The following ENPP6 variants were observed in gnomAD, a reference collection of about 807,000 sequenced individuals.
ENPP6 encodes the protein glycerophosphocholine cholinephosphodiesterase ENPP6.
In ENPP6, 32 loss-of-function variants were observed where a neutral mutation model predicts 42.0. The ratio of observed to expected loss-of-function variants is 0.76; its 90% CI spans 0.58 to 1.02. ENPP6 has a LOEUF of 1.02. Among genes scored for constraint, ENPP6 ranks in the 50% least tolerant of loss-of-function variants. The pLI is 0.00. For missense variants in ENPP6, 552 were observed against 566.8 expected (o/e 0.97, Z 0.27); for synonymous variants, 213 against 216.0 (o/e 0.99, Z 0.12).
At chr4:184,101,872 A>G (rs1469656481) in intron 6 of ENPP6, among the ~76,000 whole-genome samples, 1 of 152,132 alleles carries the variant, frequency 6.6e-6, no homozygotes, top group African/African-American at 2.4e-5. Context: ...TCTAACAGGA[A>G]GGAACCAGAA....
intron 2 of ENPP6, among the ~76,000 whole-genome samples, chr4:184,143,208 A>G (rs1328393034): frequency 6.6e-6 from 1 of 152,206 alleles, no homozygotes; most frequent in African/African-American, 2.4e-5. Context: ...AAAGCTCATC[A>G]GGGTTGCTGA....
chr4:184,091,408 G>C, intron 7 of ENPP6, 26 bp from the exon 8 acceptor site: 1 of 1,584,686 alleles, frequency 6.3e-7, no homozygotes. Flanking sequence ...AAACAAACAA[G>C]TTGTCATGGC....
chr4:184,172,083 A>G (rs893557491), intron 1 of ENPP6, among the ~76,000 whole-genome samples: 6 of 152,088 alleles, frequency 3.9e-5, no homozygotes, highest in Non-Finnish European at 8.8e-5. Context: ...GGACACAGCC[A>G]TGGGAAACCC....
chr4:184,168,904 C>T (rs1198989353), intron 1 of ENPP6, among the ~76,000 whole-genome samples: 2 of 152,166 alleles, frequency 1.3e-5, no homozygotes, highest in Non-Finnish European at 2.9e-5. Context: ...CTGTGCCCCC[C>T]GCTTCCTCAT....
chr4:184,174,746 C>T (rs1409534369), intron 1 of ENPP6, among the ~76,000 whole-genome samples: 1 of 152,196 alleles, frequency 6.6e-6, no homozygotes, highest in Non-Finnish European at 1.5e-5. Flanking sequence ...TTTGATGGCC[C>T]ATGTTCAGAG....
At chr4:184,153,971 C>T (rs1436360904) in intron 1 of ENPP6, among the ~76,000 whole-genome samples, 2 of 151,982 alleles carry the variant, frequency 1.3e-5, no homozygotes, top group African/African-American at 2.4e-5. Context: ...AGTGACGTCA[C>T]CCTGTCAAGT....
chr4:184,120,903 TGA>T (rs1288575145), intron 3 of ENPP6, among the ~76,000 whole-genome samples: 1 of 152,126 alleles, frequency 6.6e-6, no homozygotes, highest in Non-Finnish European at 1.5e-5. Flanking sequence ...ACTGAGGAGT[TGA>T]CCCTGGAGTG....
At chr4:184,112,105 A>T (rs1159680976) in intron 6 of ENPP6, among the ~76,000 whole-genome samples, 1 of 152,172 alleles carries the variant, frequency 6.6e-6, no homozygotes, top group Non-Finnish European at 1.5e-5. Context: ...GGGCCTCCCC[A>T]CCGTGGCCTG....
intron 1 of ENPP6, among the ~76,000 whole-genome samples, chr4:184,170,646 T>C (rs1737445997): frequency 6.6e-6 from 1 of 152,220 alleles, no homozygotes; most frequent in Admixed American, 6.5e-5. Context: ...ATTAGCATGT[T>C]CCTTAGTCTC....
At position 184,116,932 on chromosome 4, in the gene ENPP6, C is replaced by A; in HGVS notation, c.779G>T (p.Ser260Ile). ...DKVIELNKYI[S>I]LNDLQQVKDR... ...CTTCACTTGCTGCAGGTCATTCAGG[C>A]TGATGTACTTATTCAGCTCAATCAC... The change falls in exon 5 of 8, where the codon AGC becomes ATC. Residue 260 changes from serine (S) to isoleucine (I), a missense_variant. Around this residue, in one of 2 missense-constraint regions of ENPP6, gnomAD observed 545 missense variants for 546.3 expected, o/e 1.00. Transcript: ENST00000296741. The A allele has an allele frequency of 6.2e-7, 1 of 1,614,184 alleles. No homozygotes were observed. Among genetic ancestry groups the A allele is most frequent in the South Asian group, 1.1e-5 (1 of 91,080 alleles).
intron 1 of ENPP6, among the ~76,000 whole-genome samples, chr4:184,208,994 A>T (rs1428429882): frequency 1.1e-4 from 15 of 142,806 alleles, no homozygotes; most frequent in Non-Finnish European, 1.8e-4. Context: ...CTCACACGGC[A>T]GGGTATTCCA....
chr4:184,186,734 A>T (rs1056703403), intron 1 of ENPP6, among the ~76,000 whole-genome samples: 1 of 152,070 alleles, frequency 6.6e-6, no homozygotes, highest in Non-Finnish European at 1.5e-5. Context: ...GGATGACATC[A>T]GTAGTGGAAT....
Position 184,089,552 on chromosome 4 carries a change from T to G in ENPP6, c.*1625A>C, listed in dbSNP as rs891811954. ...GTGCAGTGGTGTGATCAAAGCTCAC[T>G]GCAGCCTTGACCTCCTGGGCTCAAA... On this transcript the variant is annotated 3_prime_UTR_variant, in exon 8 of 8. Coordinates refer to ENST00000296741, the MANE Select transcript of ENPP6 (RefSeq NM_153343.4). The G allele has an allele frequency of 3.3e-5, 5 of 152,624 alleles. No homozygotes were observed. The highest frequency in any genetic ancestry group is 9.7e-5 in the African/African-American group (4 of 41,414). The allele number at this position is 152,624 out of a possible 1,614,324, so 9.5% of individuals were successfully genotyped here.
At position 184,117,907 on chromosome 4, in the gene ENPP6, G is replaced by A. The variant is rs752430549; in HGVS notation, c.534-7C>T. The A allele has an allele frequency of 1.2e-6, 2 of 1,613,518 alleles. No homozygotes were observed. The highest frequency in any genetic ancestry group is 1.1e-5 in the South Asian group (1 of 90,992). On this transcript the variant is annotated splice_polypyrimidine_tract_variant and splice_region_variant and intron_variant, in intron 3 of 7. Transcript: ENST00000296741. ...CAGGTCGGCCCGGCCACTCCTGGAG[G>A]GACAGAGGAGAGAGGCATAGGTGAG... is the stretch of plus-strand genomic sequence containing the variant.
chr4:184,143,724 G>A (rs527495447), intron 2 of ENPP6, among the ~76,000 whole-genome samples: 27 of 152,248 alleles, frequency 1.8e-4, no homozygotes, highest in African/African-American at 5.3e-4. Context: ...TCTGCAGAGA[G>A]GGGGAGGGAA....
intron 1 of ENPP6, among the ~76,000 whole-genome samples, chr4:184,201,125 A>G (rs993813395): frequency 6.6e-6 from 1 of 151,858 alleles, no homozygotes; most frequent in African/African-American, 2.4e-5. Flanking sequence ...CGCCCCCAGG[A>G]CCCCCAGCTC....
rs1735927761 is a variant in ENPP6, at chr4:184,097,288, G to A, written c.1074C>T (p.Asn358=). 2 of 1,614,090 alleles carry A rather than the reference G, an allele frequency of 1.2e-6. No homozygotes were observed. Among genetic ancestry groups the A allele is most frequent in the Admixed American group, 1.7e-5 (1 of 60,004 alleles). Residue 358 remains asparagine (N), a synonymous_variant, in exon 7 of 8, where the codon AAC becomes AAT. Transcript: ENST00000296741. ...GWQRGWHGYD[N]ELMDMRGIFL... is the part of the protein sequence containing the mutation. ...AGATGCCCCGCATGTCCATGAGCTC[G>A]TTGTCGTAGCCGTGCCATCCACGCT...
chr4:184,103,757 T>C (rs1260433081), intron 6 of ENPP6, among the ~76,000 whole-genome samples: 8 of 152,238 alleles, frequency 5.3e-5, no homozygotes, highest in African/African-American at 1.9e-4. Context: ...CTTGGAGATG[T>C]GTTTGCCACA....
intron 2 of ENPP6, among the ~76,000 whole-genome samples, chr4:184,131,240 CTTTCTTTCTTTCTCTTTCT>C (rs1736620808): frequency 2.3e-5 from 1 of 44,440 alleles, no homozygotes; most frequent in Non-Finnish European, 4.5e-5. Context: ...CTTTCCTTTT[CTTTCTTTCTTTCTCTTTCT>C]CTTCCTTCCT....
Sources: allele counts gnomAD v4.1 joint callset (sites outside exome capture counted in the v4.1 genomes callset), GRCh38; gene constraint gnomAD v4.1.1; regional missense constraint gnomAD v4.1.1; transcripts MANE v1.5; gene names NCBI Gene and HGNC (gene_info 2026-07-23, HGNC 2026-07-21).